The following ISX variants were observed in gnomAD, a reference collection of about 807,000 sequenced individuals.
ISX encodes the protein intestine specific homeobox.
A neutral mutation model predicts 16.9 loss-of-function variants in ISX; 15 were observed. The observed-to-expected ratio is 0.89, with a 90% CI of 0.59 to 1.36. The LOEUF (loss-of-function observed/expected upper bound fraction) is 1.36, where lower values mean the gene tolerates loss of function less well. Ranked by LOEUF, ISX falls within the 40% of genes most tolerant of loss-of-function variation. The pLI is 0.00. For missense variants in ISX, 316 were observed against 306.1 expected, an observed-to-expected ratio of 1.03 and a Z score of -0.24; for synonymous variants, 125 against 119.7, an observed-to-expected ratio of 1.04 and a Z score of -0.29.
intron 3 of ISX, among the ~76,000 whole-genome samples, chr22:35,083,323 G>A (rs995774249): frequency 3.3e-5 from 5 of 152,192 alleles, no homozygotes; most frequent in Non-Finnish European, 7.3e-5. Flanking sequence ...TACAACACAT[G>A]GGTATCCCTT....
intron 2 of ISX, among the ~76,000 whole-genome samples, chr22:35,075,588 T>C (rs1477563393): frequency 6.6e-6 from 1 of 152,008 alleles, no homozygotes; most frequent in Non-Finnish European, 1.5e-5. Context: ...TGCTTTAAAA[T>C]AAAAAAAGGA....
intron 2 of ISX, among the ~76,000 whole-genome samples, chr22:35,081,396 G>A (rs1366530411): frequency 6.6e-6 from 1 of 152,206 alleles, no homozygotes; most frequent in African/African-American, 2.4e-5. Flanking sequence ...TGCTTAGAAG[G>A]AGGCCCTGAG....
chr22:35,070,806 A>G (rs1051566001), intron 2 of ISX, among the ~76,000 whole-genome samples: 1 of 152,220 alleles, frequency 6.6e-6, no homozygotes, highest in African/African-American at 2.4e-5. Flanking sequence ...AATTCTTGGC[A>G]TTTGAGAAGC....
At position 35,085,509 on chromosome 22, in the gene ISX, G is replaced by C; in HGVS notation, c.554G>C (p.Cys185Ser). 6.2e-7 allele frequency: 1 copy of C among 1,614,172 alleles called. No homozygotes were observed. The highest frequency in any genetic ancestry group is 8.5e-7 in the Non-Finnish European group (1 of 1,180,022). ...AGGCTGGCTCCTCCCACGAGCTGTT[G>C]TCCATCGGCTCAAGATCAGCTGGCC... ...LRRLAPPTSC[C>S]PSAQDQLASA... is the part of the protein sequence containing the mutation. The change falls in exon 5 of 5, where the codon TGT (cysteine) becomes TCT (serine). Residue 185 changes from cysteine (C) to serine (S), a missense_variant. By Grantham distance (112) the Cys-to-Ser change is moderately radical (BLOSUM62 -1). Transcript: ENST00000404699.
rs1928693597 is a variant in ISX, at chr22:35,066,230, A to G, written c.-569A>G. 3 of 152,300 alleles carry G rather than the reference A, an allele frequency of 2.0e-5. No homozygotes were observed. Among genetic ancestry groups the G allele is most frequent in the African/African-American group, 7.2e-5 (3 of 41,448 alleles). The allele number at this position is 152,300 out of a possible 1,614,324, so 9.4% of individuals were successfully genotyped here. ...AACAGCATAAAGGACCCCACAAGGA[A>G]GGGAGAGGTACCCTGGGTCAGGCGC... On this transcript the variant is annotated 5_prime_UTR_variant, in exon 1 of 5. Transcript: ENST00000404699.
At chr22:35,073,721 G>A (rs886955574) in intron 2 of ISX, among the ~76,000 whole-genome samples, 3 of 152,180 alleles carry the variant, frequency 2.0e-5, no homozygotes, top group South Asian at 2.1e-4. Context: ...CACATGGAGG[G>A]AGCCCCATGG....
intron 4 of ISX, among the ~76,000 whole-genome samples, chr22:35,084,955 C>A (rs1410906577): frequency 1.3e-5 from 2 of 152,032 alleles, no homozygotes; most frequent in Non-Finnish European, 2.9e-5. Context: ...TGCTTAGCAC[C>A]TAGGAAGTGC....
chr22:35,074,361 T>C (rs1046002130), intron 2 of ISX, among the ~76,000 whole-genome samples: 7 of 152,252 alleles, frequency 4.6e-5, no homozygotes, highest in African/African-American at 1.7e-4. Flanking sequence ...TTCATCTTGC[T>C]GTTCCCCTTC....
Position 35,085,956 on chromosome 22 carries a change from GAA to G in ISX, c.*265_*266del. On this transcript the variant is annotated 3_prime_UTR_variant, in exon 5 of 5. Transcript: ENST00000404699. ...TGGATGAGATCTCAGGCCGAGCTCT[GAA>G]ATAGGGAGGTAATCCTCCAGCACCT... is the stretch of plus-strand genomic sequence containing the variant. 2 of 520,368 alleles carry G rather than the reference GAA, an allele frequency of 3.8e-6. No homozygotes were observed. Among genetic ancestry groups the G allele is most frequent in the South Asian group, 4.2e-5 (2 of 47,724 alleles). 32.2% of individuals were successfully genotyped at this position (520,368 alleles called of 1,614,324 possible).
chr22:35,071,717 T>C (rs1928858229), intron 2 of ISX, among the ~76,000 whole-genome samples: 1 of 152,216 alleles, frequency 6.6e-6, no homozygotes, highest in South Asian at 2.1e-4. Context: ...AAAGGGCCTC[T>C]TCAGTGCTAT....
At position 35,087,192 on chromosome 22, in the gene ISX, G is replaced by C. The variant is rs1929275737; in HGVS notation, c.*1499G>C. 6.6e-6 allele frequency: 1 copy of C among 152,194 alleles called. No homozygotes were observed. Among genetic ancestry groups the C allele is most frequent in the Non-Finnish European group, 1.5e-5 (1 of 68,074 alleles). The allele number at this position is 152,194 out of a possible 1,614,324, so 9.4% of individuals were successfully genotyped here. On this transcript the variant is annotated 3_prime_UTR_variant, in exon 5 of 5. Coordinates refer to ENST00000404699, the MANE Select transcript of ISX (RefSeq NM_001303508.2). ...GTGCTTTGCCATCTTAAAAATGCCA[G>C]ATCACTCAGAGCCTATGAATGTGGA...
intron 2 of ISX, among the ~76,000 whole-genome samples, chr22:35,072,299 C>T (rs866946140): frequency 1.3e-4 from 20 of 152,222 alleles, no homozygotes; most frequent in South Asian, 2.1e-4. Flanking sequence ...AGTGTGGGGT[C>T]CCCCAAAAAA....
chr22:35,085,363 T>TCTTAGCTG, intron 4 of ISX, 91 bp from the exon 5 acceptor site: 1 of 1,517,672 alleles, frequency 6.6e-7, no homozygotes, highest in Non-Finnish European at 9.1e-7. Context: ...CACTACCCAC[T>TCTTAGCTG]CTTAGCTGCC....
At chr22:35,078,091 G>C (rs1478703813) in intron 2 of ISX, among the ~76,000 whole-genome samples, 1 of 151,346 alleles carries the variant, frequency 6.6e-6, no homozygotes. Context: ...CAGTTCTATA[G>C]TCCCATGAAG....
intron 2 of ISX, among the ~76,000 whole-genome samples, chr22:35,075,759 A>G (rs1928964372): frequency 6.6e-6 from 1 of 152,174 alleles, no homozygotes; most frequent in Non-Finnish European, 1.5e-5. Context: ...CACTGCCTAG[A>G]GAGTGCTAAG....
chr22:35,085,586 A>G lies in ISX; in HGVS notation c.631A>G (p.Thr211Ala). ...CCTCCTCCCAGCGCACCCATGGGAA[A>G]CACAGCCTGTCCCAGGTCTTCCCAT... is the stretch of plus-strand genomic sequence containing the variant. ...ITLLPAHPWE[T>A]QPVPGLPIHQ... The change falls in exon 5 of 5, where the codon ACA (threonine) becomes GCA (alanine). Residue 211 changes from threonine to alanine, a missense_variant. Transcript: ENST00000404699. The G allele has an allele frequency of 1.2e-6, 2 of 1,614,198 alleles. No individual in the cohort carries two copies. The highest frequency in any genetic ancestry group is 8.5e-7 in the Non-Finnish European group (1 of 1,180,034).
At chr22:35,076,498 C>T (rs1029972841) in intron 2 of ISX, among the ~76,000 whole-genome samples, 5 of 152,146 alleles carry the variant, frequency 3.3e-5, no homozygotes, top group Admixed American at 2.0e-4. Context: ...ACTCCTGCCC[C>T]GCACCCCACC....
intron 2 of ISX, among the ~76,000 whole-genome samples, chr22:35,068,360 T>A (rs895594708): frequency 2.6e-5 from 4 of 152,066 alleles, no homozygotes; most frequent in African/African-American, 9.7e-5. Flanking sequence ...TGGAGGGAGC[T>A]GATGAGGGGT....
At chr22:35,080,332 T>C (rs1316404828) in intron 2 of ISX, among the ~76,000 whole-genome samples, 4 of 152,210 alleles carry the variant, frequency 2.6e-5, no homozygotes, top group Admixed American at 1.3e-4. Context: ...TCCAAACTTA[T>C]CAATGCATCT....
Sources: allele counts gnomAD v4.1 joint callset (sites outside exome capture counted in the v4.1 genomes callset), GRCh38; gene constraint gnomAD v4.1.1; transcripts MANE v1.5; gene names NCBI Gene and HGNC (gene_info 2026-07-23, HGNC 2026-07-21).